BRF1: variants seen among roughly 807,000 people sequenced by gnomAD.
The protein encoded by BRF1 is transcription factor IIIB 90 kDa subunit.
BRF1 carries 59 observed loss-of-function variants against 81.7 expected under a neutral mutation model. That is an observed-to-expected ratio of 0.72 (90% CI 0.59 to 0.90). The LOEUF is 0.90. Among genes scored for constraint, BRF1 ranks in the 40% least tolerant of loss-of-function variants. The pLI is 0.00. For missense variants in BRF1, 1,050 were observed against 936.3 expected (o/e 1.12, Z -1.58); for synonymous variants, 491 against 395.6 (o/e 1.24, Z -2.86).
chr14:105,253,872 C>A (rs925818690), intron 4 of BRF1, among the ~76,000 whole-genome samples: 1 of 152,252 alleles, frequency 6.6e-6, no homozygotes, highest in African/African-American at 2.4e-5. Flanking sequence ...GCTCACCAAA[C>A]TGGGGGGCGT....
In BRF1 at chr14:105,243,454, TA is replaced by T. The variant is rs1286861012; in HGVS notation, c.545-2041del. Among the ~76,000 whole-genome samples, 199 of 125,270 alleles carry T rather than the reference TA, an allele frequency of 1.6e-3. 1 individual carries two copies. Among genetic ancestry groups the T allele is most frequent in the East Asian group, 5.6e-3 (26 of 4,636 alleles). 82.2% of individuals were successfully genotyped at this position (125,270 alleles called of 152,430 possible). A position where few individuals can be genotyped will look rare whatever the true frequency, so the allele number is the denominator to read the frequency against. On this transcript the variant is annotated intron_variant, in intron 5 of 17. Coordinates refer to ENST00000547530, the MANE Select transcript of BRF1 (RefSeq NM_001519.4). ...GACAGAGCAGCAAGACTCTGTCTCT[TA>T]AAAAAAAAAAAATAAAAATAAAAAA...
intron 1 of BRF1, among the ~76,000 whole-genome samples, chr14:105,311,866 C>T (rs1595528879): frequency 1.3e-5 from 2 of 152,348 alleles, no homozygotes; most frequent in African/African-American, 4.8e-5. Context: ...TGGCCATGTG[C>T]TCCAACCATG....
chr14:105,215,106 G>A (rs1032414367), intron 15 of BRF1, among the ~76,000 whole-genome samples: 17 of 152,172 alleles, frequency 1.1e-4, no homozygotes, highest in African/African-American at 3.6e-4. Flanking sequence ...ATGTTGGGGG[G>A]AAGACTGATG....
chr14:105,220,232 C>A lies in BRF1; in HGVS notation c.1316-102G>T, dbSNP rs921496485. On this transcript the variant is annotated intron_variant, in intron 11 of 17. Coordinates refer to ENST00000547530, the MANE Select transcript of BRF1 (RefSeq NM_001519.4). ...CAGGACCCTGGGTCTGGGCTAAGGGCTTTCTAGAACCCCGTCCCCTCCTCT... is the reference window on the plus strand; with the variant it reads ...CAGGACCCTGGGTCTGGGCTAAGGGATTTCTAGAACCCCGTCCCCTCCTCT... The A allele has an allele frequency of 4.3e-5, 59 of 1,358,500 alleles. No homozygotes were observed. The Middle Eastern group carries it at 1.1e-3, about 24-fold the overall frequency. The allele number at this position is 1,358,500 out of a possible 1,614,324, so 84.2% of individuals were successfully genotyped here.
At chr14:105,248,592 G>A in intron 5 of BRF1, 1 of 958,248 alleles carries the variant, frequency 1.0e-6, no homozygotes, top group Non-Finnish European at 1.2e-6. Flanking sequence ...CGGGCGGGAC[G>A]GCGCCCCCCG....
chr14:105,212,352 A>AC, intron 15 of BRF1, 188 bp from the exon 16 acceptor site: 1 of 690,054 alleles, frequency 1.4e-6, no homozygotes, highest in Admixed American at 2.8e-5. Flanking sequence ...CAGAGCTCTG[A>AC]CCCGTTCACA....
chr14:105,275,552 C>T (rs1388451417), intron 2 of BRF1, among the ~76,000 whole-genome samples: 1 of 152,240 alleles, frequency 6.6e-6, no homozygotes, highest in Non-Finnish European at 1.5e-5. Flanking sequence ...GACAGGGGAC[C>T]CGCTGAAGCT....
chr14:105,219,984 C>G, intron 12 of BRF1, 85 bp downstream of exon 12: 1 of 1,543,148 alleles, frequency 6.5e-7, no homozygotes, highest in Non-Finnish European at 8.8e-7. Context: ...GGGAGGTGGC[C>G]AACCCCGCCC....
rs1252014800 is a variant in BRF1, at chr14:105,209,978, C to A, written c.*573G>T. 1.0e-5 allele frequency: 3 copies of A among 293,418 alleles called. No individual in the cohort carries two copies. Among genetic ancestry groups the A allele is most frequent in the South Asian group, 9.6e-5 (1 of 10,438 alleles). 18.2% of individuals were successfully genotyped at this position (293,418 alleles called of 1,614,324 possible). On this transcript the variant is annotated 3_prime_UTR_variant, in exon 18 of 18. Coordinates refer to ENST00000547530, the MANE Select transcript of BRF1 (RefSeq NM_001519.4). ...ACGAGGCAGGTATCTGGATGCAGGG[C>A]CACAGCTGGAGGCAGAGGACCTTCA... is the stretch of plus-strand genomic sequence containing the variant.
At chr14:105,241,211 G>C (rs587654140) in intron 6 of BRF1, 54 bp downstream of exon 6, 17 of 1,594,846 alleles carry the variant, frequency 1.1e-5, no homozygotes, top group African/African-American at 2.7e-5. Context: ...AGTCAGGAAA[G>C]TGTGAGGCCA....
At chr14:105,312,651 A>G (rs1318072775) in intron 1 of BRF1, among the ~76,000 whole-genome samples, 1 of 152,226 alleles carries the variant, frequency 6.6e-6, no homozygotes. Flanking sequence ...CCTCAAGAGA[A>G]GGACCAGCAC....
chr14:105,296,139 G>A (rs587735611), intron 1 of BRF1, among the ~76,000 whole-genome samples: 60 of 151,318 alleles, frequency 4.0e-4, no homozygotes, highest in African/African-American at 1.3e-3. Context: ...GGGGCCAGGT[G>A]TGGTGGCTCA....
Position 105,300,639 on chromosome 14 carries a change from C to T in BRF1, c.-10G>A. On this transcript the variant is annotated 5_prime_UTR_variant, in exon 1 of 18. Coordinates refer to ENST00000547530, the MANE Select transcript of BRF1 (RefSeq NM_001519.4). ...ACACGCGGCCCGTCATGCCGGCGAC[C>T]GCGCGGGCAGCGCCCGGAGCCTCCC... 1 of 1,355,966 alleles carries T rather than the reference C, an allele frequency of 7.4e-7. No homozygotes were observed. 84.0% of individuals were successfully genotyped at this position (1,355,966 alleles called of 1,614,324 possible).
At chr14:105,241,212 T>C (rs1595347541) in intron 6 of BRF1, 53 bp downstream of exon 6, 6 of 1,594,944 alleles carry the variant, frequency 3.8e-6, no homozygotes, top group East Asian at 2.2e-5. Flanking sequence ...GTCAGGAAAG[T>C]GTGAGGCCAG....
chr14:105,211,903 C>T, intron 16 of BRF1: 1 of 667,400 alleles, frequency 1.5e-6, no homozygotes, highest in South Asian at 1.8e-5. Context: ...ACACAACGGT[C>T]CCCACTTCCT....
At position 105,271,342 on chromosome 14, in the gene BRF1, A is replaced by G. The variant is rs936171588; in HGVS notation, c.439+1379T>C. 6.6e-6 allele frequency among the ~76,000 whole-genome samples: 1 copy of G among 152,242 alleles called. No individual in the cohort carries two copies. The highest frequency in any genetic ancestry group is 1.5e-5 in the Non-Finnish European group (1 of 68,040). On this transcript the variant is annotated intron_variant, in intron 3 of 17. Coordinates refer to ENST00000547530, the MANE Select transcript of BRF1 (RefSeq NM_001519.4). The surrounding 1 kb of genome is among the most constrained non-coding windows in gnomAD (Gnocchi z 5.5). Reference sequence around the variant, plus strand: ...GTGGAGATTAGAGGCAAGGAGCTGAAGCCCCGCAGCTGCACAGCAAGGGCC... The same window carrying G: ...GTGGAGATTAGAGGCAAGGAGCTGAGGCCCCGCAGCTGCACAGCAAGGGCC...
intron 15 of BRF1, among the ~76,000 whole-genome samples, chr14:105,214,863 G>T (rs992584031): frequency 6.6e-6 from 1 of 152,124 alleles, no homozygotes; most frequent in Non-Finnish European, 1.5e-5. Context: ...CTTTCCAAGT[G>T]GTCCAAATCC....
At chr14:105,211,987 G>C (rs1372790889) in intron 16 of BRF1, 126 bp downstream of exon 16, 1 of 1,377,034 alleles carries the variant, frequency 7.3e-7, no homozygotes, top group Admixed American at 2.0e-5. Context: ...GGCAAGTATG[G>C]GGCAGCAGGG....
intron 2 of BRF1, among the ~76,000 whole-genome samples, chr14:105,282,379 C>T (rs1037503844): frequency 6.6e-6 from 1 of 152,316 alleles, no homozygotes; most frequent in East Asian, 1.9e-4. Flanking sequence ...TTATTTCCAT[C>T]TTTGCAGTTT....
Sources: gnomAD v4.1 joint callset for allele counts (sites outside exome capture counted in the v4.1 genomes callset) on GRCh38, gnomAD v4.1.1 for gene constraint, Gnocchi (gnomAD v3.1) non-coding constraint, MANE v1.5 for transcripts, NCBI Gene and HGNC (gene_info 2026-07-23, HGNC 2026-07-21) for gene names.